The following PTPRT variants were observed in gnomAD, a reference collection of about 807,000 sequenced individuals.
PTPRT encodes the protein receptor-type tyrosine-protein phosphatase T.
A neutral mutation model predicts 176.8 loss-of-function variants in PTPRT; 56 were observed. That is an observed-to-expected ratio of 0.32 (90% CI 0.26 to 0.40). The LOEUF (loss-of-function observed/expected upper bound fraction) is 0.40. Among genes scored for constraint, PTPRT ranks in the 10% least tolerant of loss-of-function variants. The pLI is 1.00. For synonymous variants in PTPRT, 783 were observed against 739.0 expected (o/e 1.06, Z -0.96); for missense variants, 1,540 against 1,908.2 (o/e 0.81, Z 3.60).
At position 42,495,038 on chromosome 20, in the gene PTPRT, T is replaced by C. The variant is rs572169296; in HGVS notation, c.1154-22476A>G. Among the ~76,000 whole-genome samples, 9 of 152,300 alleles carry C rather than the reference T, an allele frequency of 5.9e-5. No homozygotes were observed. In the South Asian group the frequency reaches 1.0e-3, roughly 18 times the overall value. ...CTGGGCCTTGTCATCCTGACTCTCA[T>C]TATTTGCCTACATTTCTTGTCTTCC... On this transcript the variant is annotated intron_variant, in intron 7 of 30. Coordinates refer to ENST00000373187, the MANE Select transcript of PTPRT (RefSeq NM_007050.6).
At chr20:42,981,426 T>C (rs1983265493) in intron 1 of PTPRT, among the ~76,000 whole-genome samples, 1 of 152,228 alleles carries the variant, frequency 6.6e-6, no homozygotes, top group Non-Finnish European at 1.5e-5. Flanking sequence ...ACACTGACTG[T>C]GGCCCTGGCC....
chr20:42,464,819 A>G (rs1230303916), intron 8 of PTPRT, among the ~76,000 whole-genome samples: 1 of 152,038 alleles, frequency 6.6e-6, no homozygotes, highest in Non-Finnish European at 1.5e-5. Context: ...TACATGCCAC[A>G]TCTTGTTACT....
intron 7 of PTPRT, among the ~76,000 whole-genome samples, chr20:42,587,122 T>C (rs1034299811): frequency 4.6e-5 from 7 of 152,202 alleles, no homozygotes; most frequent in African/African-American, 1.2e-4. Context: ...GAATCCTTGT[T>C]TCATCCAGGG....
intron 6 of PTPRT, among the ~76,000 whole-genome samples, chr20:42,690,414 C>T (rs1006032267): frequency 2.0e-5 from 3 of 152,074 alleles, no homozygotes; most frequent in Non-Finnish European, 2.9e-5. Context: ...GTAATGGCCA[C>T]GGGGCTGGAG....
chr20:42,305,760 G>A (rs1227451133), intron 12 of PTPRT, among the ~76,000 whole-genome samples: 1 of 152,180 alleles, frequency 6.6e-6, no homozygotes, highest in Non-Finnish European at 1.5e-5. Flanking sequence ...GTTTGACAGA[G>A]GGGAAACTGA....
intron 7 of PTPRT, among the ~76,000 whole-genome samples, chr20:42,605,059 G>A (rs913581953): frequency 2.0e-5 from 3 of 152,210 alleles, no homozygotes; most frequent in African/African-American, 7.2e-5. Context: ...GGAGAGGGCA[G>A]AGATGAAAGT....
intron 9 of PTPRT, among the ~76,000 whole-genome samples, chr20:42,411,537 A>G (rs1483936774): frequency 7.2e-5 from 10 of 139,364 alleles, no homozygotes; most frequent in South Asian, 2.4e-4. Context: ...AAAAAAAAAA[A>G]AAAGAAAAAA....
chr20:42,745,351 G>A (rs995755609), intron 6 of PTPRT, among the ~76,000 whole-genome samples: 1 of 152,148 alleles, frequency 6.6e-6, no homozygotes, highest in Non-Finnish European at 1.5e-5. Flanking sequence ...CTTCCCATGG[G>A]GCAGGATCTG....
chr20:42,594,743 A>G (rs1601337705), intron 7 of PTPRT, among the ~76,000 whole-genome samples: 1 of 152,264 alleles, frequency 6.6e-6, no homozygotes, highest in African/African-American at 2.4e-5. Flanking sequence ...GCCAAGACAT[A>G]TCAAATATTT....
At chr20:42,671,728 C>A (rs756997949) in intron 7 of PTPRT, among the ~76,000 whole-genome samples, 1 of 152,140 alleles carries the variant, frequency 6.6e-6, no homozygotes, top group South Asian at 2.1e-4. Context: ...TATACATGAT[C>A]GCATTTGCTC....
chr20:42,530,851 C>T (rs528477720), intron 7 of PTPRT, among the ~76,000 whole-genome samples: 15 of 152,158 alleles, frequency 9.9e-5, no homozygotes, highest in Non-Finnish European at 1.9e-4. Flanking sequence ...GCTTTTTCAA[C>T]TAGAACCTGG....
chr20:42,569,112 A>ATATATATATATATAT (rs1344948586), intron 7 of PTPRT, among the ~76,000 whole-genome samples: 20 of 113,972 alleles, frequency 1.8e-4, no homozygotes, highest in South Asian at 9.8e-4. Context: ...ATATATATAT[A>ATATATATATATATAT]ATTTCAACTT....
At chr20:42,625,289 TA>T (rs1256658456) in intron 7 of PTPRT, among the ~76,000 whole-genome samples, 1 of 152,028 alleles carries the variant, frequency 6.6e-6, no homozygotes, top group Non-Finnish European at 1.5e-5. Flanking sequence ...ACCAGAGATT[TA>T]AAAAGACTTA....
chr20:42,222,245 T>C (rs77076203), intron 15 of PTPRT, among the ~76,000 whole-genome samples: 2,979 of 152,318 alleles, frequency 0.02, 97 homozygotes, highest in African/African-American at 0.068. Flanking sequence ...GTGCCCCTGC[T>C]CAGTGTGGTG....
chr20:42,788,624 T>C (rs1368085089), intron 3 of PTPRT, among the ~76,000 whole-genome samples: 1 of 152,198 alleles, frequency 6.6e-6, no homozygotes, highest in Non-Finnish European at 1.5e-5. Context: ...ATTGCCATTA[T>C]ATCTCATTAT....
At position 42,225,394 on chromosome 20, in the gene PTPRT, A is replaced by G. The variant is rs1259949337; in HGVS notation, c.2342+10835T>C. Among the ~76,000 whole-genome samples, 3 of 152,144 alleles carry G rather than the reference A, an allele frequency of 2.0e-5. No individual in the cohort carries two copies. In the East Asian group the frequency reaches 5.8e-4, roughly 29 times the overall value. On this transcript the variant is annotated intron_variant, in intron 15 of 30. Coordinates refer to ENST00000373187, the MANE Select transcript of PTPRT (RefSeq NM_007050.6). ...AAGATAATCCCATGAATTGAACACT[A>G]CCATTCCCATTTTACAGATGAGAAA... is the stretch of plus-strand genomic sequence containing the variant.
chr20:42,962,267 A>C (rs542084238), intron 1 of PTPRT, among the ~76,000 whole-genome samples: 1 of 152,260 alleles, frequency 6.6e-6, no homozygotes, highest in Admixed American at 6.5e-5. Context: ...GTTGAACAAC[A>C]TAATAAATGC....
intron 16 of PTPRT, among the ~76,000 whole-genome samples, chr20:42,167,117 G>A (rs927103825): frequency 1.3e-5 from 2 of 152,162 alleles, no homozygotes; most frequent in African/African-American, 4.8e-5. Context: ...GATTCAAAGA[G>A]ATAGTGCATG....
At chr20:43,036,495 A>C (rs1986383622) in intron 1 of PTPRT, among the ~76,000 whole-genome samples, 1 of 152,000 alleles carries the variant, frequency 6.6e-6, no homozygotes, top group African/African-American at 2.4e-5. Context: ...ATTTGTCATA[A>C]GGTTTTGTAG....
Sources: allele counts gnomAD v4.1 joint callset (sites outside exome capture counted in the v4.1 genomes callset), GRCh38; gene constraint gnomAD v4.1.1; transcripts MANE v1.5; gene names NCBI Gene and HGNC (gene_info 2026-07-23, HGNC 2026-07-21).